The following ATXN2 variants were observed in gnomAD, a reference collection of about 807,000 sequenced individuals.
The protein encoded by ATXN2 is ataxin 2, also known as ataxin-2.
Under a neutral mutation model 138.6 loss-of-function variants are expected in ATXN2, and 37 were observed. That is an observed-to-expected ratio of 0.27 (90% CI 0.21 to 0.35). The LOEUF is 0.35. Ranked by LOEUF, ATXN2 falls within the 10% of genes least tolerant of loss-of-function variation. The pLI is 1.00. For missense variants in ATXN2, 1,216 were observed against 1,480.3 expected, an observed-to-expected ratio of 0.82 and a Z score of 2.93; for synonymous variants, 549 against 543.7, an observed-to-expected ratio of 1.01 and a Z score of -0.13.
intron 1 of ATXN2, among the ~76,000 whole-genome samples, chr12:111,578,459 G>A (rs1489704207): frequency 6.6e-6 from 1 of 152,018 alleles, no homozygotes; most frequent in Non-Finnish European, 1.5e-5. Flanking sequence ...TTAACATTAT[G>A]TTACATCTGC....
chr12:111,485,719 G>T lies in ATXN2; in HGVS notation c.2451C>A (p.Gly817=). The T allele has an allele frequency of 6.2e-7, 1 of 1,613,926 alleles. No individual in the cohort carries two copies. The highest frequency in any genetic ancestry group is 8.5e-7 in the Non-Finnish European group (1 of 1,179,928). ...NMMYPVPVSP[G]VQPLYPIPMT... ...ATCAAATTCTATGACTTACTTGCAC[G>T]CCTGGGCTCACTGGGACTGGATACA... Residue 817 remains glycine (G), a synonymous_variant, in exon 17 of 25, where the codon GGC becomes GGA. Coordinates refer to ENST00000673436, the MANE Select transcript of ATXN2 (RefSeq NM_001372574.1).
chr12:111,581,444 C>T, intron 1 of ATXN2: 1 of 818,692 alleles, frequency 1.2e-6, no homozygotes, highest in Non-Finnish European at 2.1e-6. Context: ...CTATGAGATG[C>T]TCAAGGAGGA....
chr12:111,596,996 A>ACATC, intron 1 of ATXN2, among the ~76,000 whole-genome samples: 1 of 152,316 alleles, frequency 6.6e-6, no homozygotes, highest in Non-Finnish European at 1.5e-5. Context: ...AAAACAGAAT[A>ACATC]CATCCTTTTC....
At chr12:111,464,784 T>C in intron 20 of ATXN2, 69 bp from the exon 21 acceptor site, 6 of 1,223,160 alleles carry the variant, frequency 4.9e-6, no homozygotes, top group South Asian at 1.3e-5. Context: ...TCTGGAAAGG[T>C]TGACATATTA....
chr12:111,514,885 CAG>C (rs1879768154), intron 10 of ATXN2, among the ~76,000 whole-genome samples: 1 of 152,170 alleles, frequency 6.6e-6, no homozygotes, highest in Non-Finnish European at 1.5e-5. Context: ...CTGAATGACA[CAG>C]AAAGTATATT....
intron 5 of ATXN2, among the ~76,000 whole-genome samples, chr12:111,551,683 AG>A (rs1882129227): frequency 6.6e-6 from 1 of 152,220 alleles, no homozygotes; most frequent in Non-Finnish European, 1.5e-5. Context: ...AGAAATTTTC[AG>A]TTGAATATAA....
chr12:111,504,510 G>A (rs73410570), intron 14 of ATXN2, among the ~76,000 whole-genome samples: 2,167 of 152,068 alleles, frequency 0.014, 56 homozygotes, highest in African/African-American at 0.048. Context: ...GACTGGTTTC[G>A]AACTCCTGAC....
At chr12:111,533,930 G>C (rs1880992251) in intron 5 of ATXN2, among the ~76,000 whole-genome samples, 1 of 151,924 alleles carries the variant, frequency 6.6e-6, no homozygotes, top group Non-Finnish European at 1.5e-5. Flanking sequence ...GAAGACATCA[G>C]TGTCCCAGCC....
intron 5 of ATXN2, among the ~76,000 whole-genome samples, chr12:111,539,404 G>C (rs1184759197): frequency 6.7e-6 from 1 of 150,030 alleles, no homozygotes; most frequent in Non-Finnish European, 1.5e-5. Context: ...ATCATCGTTT[G>C]AGCACTTCTT....
upstream of ATXN2, chr12:111,599,507 G>C (rs1365416806): frequency 8.2e-7 from 1 of 1,213,746 alleles, no homozygotes; most frequent in Non-Finnish European, 1.0e-6. Flanking sequence ...TGCGGCCGCT[G>C]AGCGCATCGG....
intron 5 of ATXN2, among the ~76,000 whole-genome samples, chr12:111,547,047 T>C (rs621899): frequency 0.21 from 31,308 of 152,218 alleles, 3,345 homozygotes; most frequent in East Asian, 0.33. Context: ...TTTGCATATA[T>C]GCATGAATAT....
intron 9 of ATXN2, 124 bp downstream of exon 9, chr12:111,518,125 G>A (rs1879957292): frequency 1.2e-6 from 1 of 854,840 alleles, no homozygotes; most frequent in Admixed American, 3.0e-5. Flanking sequence ...ATGCTGAAGT[G>A]AAAGCTACTC....
In ATXN2 at chr12:111,552,269, T is replaced by C; in HGVS notation, c.571+11A>G. The C allele has an allele frequency of 1.3e-6, 2 of 1,582,136 alleles. No individual in the cohort carries two copies. The highest frequency in any genetic ancestry group is 1.7e-6 in the Non-Finnish European group (2 of 1,168,866). ...TAAACCATGAGGCATATTTAGGAAA[T>C]CAAAACCCACCTCTTTTTGCATAAC... On this transcript the variant is annotated intron_variant, in intron 5 of 24. Coordinates refer to ENST00000673436, the MANE Select transcript of ATXN2 (RefSeq NM_001372574.1). The surrounding 1 kb of genome is among the most constrained non-coding windows in gnomAD (Gnocchi z 4.1).
intron 14 of ATXN2, 66 bp from the exon 15 acceptor site, chr12:111,488,846 G>A (rs2135702491): frequency 7.5e-7 from 1 of 1,328,452 alleles, no homozygotes; most frequent in Non-Finnish European, 1.0e-6. Flanking sequence ...TTTGCCATGA[G>A]CACAAGCTAC....
intron 11 of ATXN2, 177 bp from the exon 12 acceptor site, chr12:111,510,759 A>C: frequency 2.0e-6 from 1 of 497,088 alleles, no homozygotes. Context: ...AATCAAAACC[A>C]CAAGTATATG....
chr12:111,487,825 C>CA (rs1215136994), intron 15 of ATXN2, among the ~76,000 whole-genome samples: 5 of 152,046 alleles, frequency 3.3e-5, no homozygotes, highest in African/African-American at 1.2e-4. Flanking sequence ...TGGAAAAAGT[C>CA]ATGGCTGTAA....
intron 2 of ATXN2, 66 bp downstream of exon 2, chr12:111,555,817 G>T: frequency 7.4e-7 from 1 of 1,349,962 alleles, no homozygotes; most frequent in Non-Finnish European, 1.0e-6. Context: ...TTGGCATTTG[G>T]TCTGTGGTTA....
chr12:111,575,743 T>C (rs1284322421), intron 1 of ATXN2, among the ~76,000 whole-genome samples: 1 of 152,178 alleles, frequency 6.6e-6, no homozygotes, highest in Non-Finnish European at 1.5e-5. Context: ...TGCCTATAAA[T>C]GCCATGCTTT....
intron 1 of ATXN2, among the ~76,000 whole-genome samples, chr12:111,576,137 T>TAACATAACATCACAC (rs1346812599): frequency 1.1e-5 from 1 of 90,746 alleles, no homozygotes; most frequent in African/African-American, 3.9e-5. Flanking sequence ...TAACATAACA[T>TAACATAACATCACAC]CACACCAAAC....
Sources: allele counts gnomAD v4.1 joint callset (sites outside exome capture counted in the v4.1 genomes callset), GRCh38; gene constraint gnomAD v4.1.1; non-coding constraint Gnocchi (gnomAD v3.1); transcripts MANE v1.5; gene names NCBI Gene and HGNC (gene_info 2026-07-23, HGNC 2026-07-21).